The following SYNE2 variants were observed in gnomAD, a reference collection of about 807,000 sequenced individuals.
SYNE2 encodes spectrin repeat containing nuclear envelope protein 2.
SYNE2 carries 431 observed loss-of-function variants against 856.3 expected under a neutral mutation model. That is an observed-to-expected ratio of 0.50 (90% CI 0.47 to 0.55). The LOEUF is 0.55. Ranked by LOEUF, SYNE2 falls within the 20% of genes least tolerant of loss-of-function variation. The pLI is 0.00. For synonymous variants in SYNE2, 2,923 were observed against 2,872.3 expected, an observed-to-expected ratio of 1.02 and a Z score of -0.56; for missense variants, 8,129 against 8,023.2, an observed-to-expected ratio of 1.01 and a Z score of -0.50.
chr14:63,802,431 G>A (rs1230509743), intron 1 of SYNE2, among the ~76,000 whole-genome samples: 1 of 152,000 alleles, frequency 6.6e-6, no homozygotes, highest in Admixed American at 6.6e-5. Flanking sequence ...GATTTTACAG[G>A]CTCACAGGCA....
chr14:63,923,478 G>A (rs1048216061), intron 2 of SYNE2, among the ~76,000 whole-genome samples: 1 of 152,146 alleles, frequency 6.6e-6, no homozygotes. Flanking sequence ...ACAAACTCCT[G>A]CTCCCTCCTT....
chr14:63,880,887 C>T (rs2094845930), intron 1 of SYNE2, among the ~76,000 whole-genome samples: 1 of 151,468 alleles, frequency 6.6e-6, no homozygotes, highest in Admixed American at 6.6e-5. Context: ...TGCTCTGTCG[C>T]CCAGGCTGGA....
chr14:64,100,531 A>AAAAATATAT (rs1491537041), intron 63 of SYNE2, among the ~76,000 whole-genome samples: 10 of 39,472 alleles, frequency 2.5e-4, no homozygotes, highest in Non-Finnish European at 4.2e-4. Flanking sequence ...AAAAAAAAAA[A>AAAAATATAT]ATATATATAT....
intron 1 of SYNE2, among the ~76,000 whole-genome samples, chr14:63,784,838 A>G (rs1887453987): frequency 6.6e-6 from 1 of 151,972 alleles, no homozygotes; most frequent in Admixed American, 6.6e-5. Context: ...AAATAAGTAT[A>G]GTTTTAAAAG....
intron 1 of SYNE2, among the ~76,000 whole-genome samples, chr14:63,839,287 C>G (rs901919969): frequency 2.0e-5 from 3 of 152,122 alleles, no homozygotes; most frequent in Non-Finnish European, 4.4e-5. Context: ...CCTTGGCCTC[C>G]CAAAGTGCTG....
intron 49 of SYNE2, among the ~76,000 whole-genome samples, chr14:64,061,682 G>C (rs2097318136): frequency 6.6e-6 from 1 of 152,100 alleles, no homozygotes; most frequent in Non-Finnish European, 1.5e-5. Flanking sequence ...GCTTATTTAA[G>C]CCTTAACCCA....
chr14:63,931,549 C>CAA (rs564187169), intron 2 of SYNE2, among the ~76,000 whole-genome samples: 4 of 88,776 alleles, frequency 4.5e-5, no homozygotes, highest in African/African-American at 1.1e-4. Flanking sequence ...GACTCTGTCT[C>CAA]AAAAAAAAAA....
At chr14:64,049,093 A>G (rs1371372454) in intron 46 of SYNE2, 2 of 152,246 alleles carry the variant, frequency 1.3e-5, no homozygotes, top group Non-Finnish European at 2.9e-5. Context: ...CTGACATTAA[A>G]TGCTGGACCA....
chr14:63,800,790 A>G (rs1345849806), intron 1 of SYNE2, among the ~76,000 whole-genome samples: 4 of 152,146 alleles, frequency 2.6e-5, no homozygotes, highest in Non-Finnish European at 5.9e-5. Context: ...AGAAGGAAGC[A>G]GACACTGTGA....
intron 1 of SYNE2, among the ~76,000 whole-genome samples, chr14:63,872,145 A>G (rs968125920): frequency 3.3e-5 from 5 of 152,144 alleles, no homozygotes; most frequent in African/African-American, 1.2e-4. Context: ...TTAAGATTCT[A>G]TCCAGCTTGG....
rs1217587398 is a variant in SYNE2 at position 64,024,955 on chromosome 14, C to G, written c.5884C>G (p.Gln1962Glu). 4 of 1,613,718 alleles carry G rather than the reference C, an allele frequency of 2.5e-6. No homozygotes were observed. Among genetic ancestry groups the G allele is most frequent in the Admixed American group, 1.7e-5 (1 of 59,948 alleles). ...HRNLRKWLTN[Q>E]EEKWKGMEEP... is the part of the protein sequence containing the mutation. ...AAACCTGAGGAAGTGGTTGACTAAT[C>G]AAGAAGAGAAATGGAAAGGAATGGA... Residue 1962 changes from glutamine (Q) to glutamate (E), a missense_variant, in exon 40 of 116, where the codon CAA becomes GAA. Physicochemically the swap from Gln to Glu is conservative, Grantham distance 29 (BLOSUM62 2). Transcript: ENST00000555002.
rs775836079 is a variant in SYNE2 at position 64,090,951 on chromosome 14, G to T, written c.11879G>T (p.Gly3960Val). ...YQVELRLPQT[G>V]MKPLPVFQRT... ...GTGGAACTGAGGTTGCCCCAAACAG[G>T]AATGAAACCTCTGCCTGTGTTTCAG... Residue 3960 changes from glycine (G) to valine (V), a missense_variant, in exon 60 of 116, where the codon GGA becomes GTA. Physicochemically the swap from Gly to Val is moderately radical, Grantham distance 109. Coordinates refer to ENST00000555002, the MANE Select transcript of SYNE2 (RefSeq NM_182914.3). 1.2e-6 allele frequency: 2 copies of T among 1,614,076 alleles called. No homozygotes were observed. Among genetic ancestry groups the T allele is most frequent in the Admixed American group, 3.3e-5 (2 of 60,012 alleles).
intron 60 of SYNE2, 68 bp from the exon 61 acceptor site, chr14:64,093,280 CA>C (rs1392586868): frequency 6.3e-7 from 1 of 1,574,956 alleles, no homozygotes; most frequent in Non-Finnish European, 8.7e-7. Flanking sequence ...TGGGGCTAGA[CA>C]ATGAAAATAG....
chr14:64,045,331 A>G (rs751047456), intron 45 of SYNE2, among the ~76,000 whole-genome samples: 7 of 152,068 alleles, frequency 4.6e-5, no homozygotes, highest in Non-Finnish European at 8.8e-5. Flanking sequence ...ATCATCAGAT[A>G]AGAGAGACTA....
rs1036996580 is a variant in SYNE2 at position 63,911,166 on chromosome 14, G to A, written c.79+1939G>A. Among the ~76,000 whole-genome samples the A allele has an allele frequency of 9.9e-5, 15 of 152,030 alleles. No homozygotes were observed. In the East Asian group the frequency reaches 2.3e-3, roughly 24 times the overall value. ...TAAGGGGCCATATTCTCCCTGGTCCGCCAGCCTGTGTGCTTTCATTCAGAT... is the reference window on the plus strand; with the variant it reads ...TAAGGGGCCATATTCTCCCTGGTCCACCAGCCTGTGTGCTTTCATTCAGAT... On this transcript the variant is annotated intron_variant, in intron 2 of 115. Transcript: ENST00000555002.
intron 6 of SYNE2, among the ~76,000 whole-genome samples, chr14:63,944,956 C>T (rs976798050): frequency 1.3e-5 from 2 of 148,860 alleles, no homozygotes; most frequent in Admixed American, 1.3e-4. Flanking sequence ...TACAGGTGCC[C>T]ACCACCATGC....
At position 64,080,717 on chromosome 14, in the gene SYNE2, A is replaced by G; in HGVS notation, c.11346+79A>G. ...TTAAAGCAAAACAATATATTCAGAA[A>G]CAGTCAGTTTCTGTTGAATTATCAG... is the stretch of plus-strand genomic sequence containing the variant. On this transcript the variant is annotated intron_variant, in intron 56 of 115. Transcript: ENST00000555002. The G allele has an allele frequency of 1.9e-6, 3 of 1,550,572 alleles. No homozygotes were observed. The South Asian group carries it at 3.4e-5, about 17-fold the overall frequency.
chr14:63,986,741 T>A (rs944883342), intron 19 of SYNE2, 124 bp downstream of exon 19: 61 of 1,071,802 alleles, frequency 5.7e-5, no homozygotes, highest in Non-Finnish European at 8.0e-5. Context: ...TTGGGAGTTT[T>A]AAAAATGAAT....
Position 63,838,323 on chromosome 14 carries a change from C to A in SYNE2, c.-304-14178C>A, listed in dbSNP as rs190387403. 4.1e-3 allele frequency among the ~76,000 whole-genome samples: 625 copies of A among 152,130 alleles called. 9 individuals carry two copies. Among genetic ancestry groups the A allele is most frequent in the African/African-American group, 0.014 (588 of 41,508 alleles). On this transcript the variant is annotated intron_variant, in intron 1 of 23. Transcript: ENST00000674003. ...TTGCACTCTGGCCTGGGTGTCAGAG[C>A]AAGACTTCATTTCAAAAAACAAAAC...
Sources: allele counts gnomAD v4.1 joint callset (sites outside exome capture counted in the v4.1 genomes callset), GRCh38; gene constraint gnomAD v4.1.1; transcripts MANE v1.5; gene names NCBI Gene and HGNC (gene_info 2026-07-23, HGNC 2026-07-21).